PTPRT: variants seen among roughly 807,000 people sequenced by gnomAD.
PTPRT encodes the protein receptor-type tyrosine-protein phosphatase T.
PTPRT carries 56 observed loss-of-function variants against 176.8 expected under a neutral mutation model. The observed-to-expected ratio is 0.32, with a 90% CI of 0.26 to 0.40. The LOEUF is 0.40. Ranked by LOEUF, PTPRT falls within the 10% of genes least tolerant of loss-of-function variation. The pLI, the probability that PTPRT is intolerant of heterozygous loss-of-function variation, is 1.00. For missense variants in PTPRT, 1,540 were observed against 1,908.2 expected, an observed-to-expected ratio of 0.81 and a Z score of 3.60; for synonymous variants, 783 against 739.0, an observed-to-expected ratio of 1.06 and a Z score of -0.96.
At chr20:42,837,865 T>C (rs539668478) in intron 2 of PTPRT, among the ~76,000 whole-genome samples, 11 of 152,084 alleles carry the variant, frequency 7.2e-5, no homozygotes, top group African/African-American at 1.9e-4. Flanking sequence ...CGGGATAGGA[T>C]TGGGGACTGA....
Position 42,236,365 on chromosome 20 carries a change from T to G in PTPRT, c.2313-107A>C, listed in dbSNP as rs2056242669. ...TTAATGAAATCTTGATTCTTAGAAA[T>G]GCACATATTATTTCAGCATCCCTAA... On this transcript the variant is annotated intron_variant, in intron 14 of 30. Transcript: ENST00000373187. 1.1e-5 allele frequency: 11 copies of G among 974,898 alleles called. No homozygotes were observed. In the South Asian group the frequency reaches 1.6e-4, roughly 14 times the overall value. 60.4% of individuals were successfully genotyped at this position (974,898 alleles called of 1,614,324 possible).
intron 2 of PTPRT, among the ~76,000 whole-genome samples, chr20:42,856,402 G>A (rs144158030): frequency 1.3e-5 from 2 of 152,212 alleles, no homozygotes; most frequent in Non-Finnish European, 2.9e-5. Flanking sequence ...CCCACAGTAG[G>A]TTTCACACGC....
rs539917266 is a variant in PTPRT at position 42,807,022 on chromosome 20, A to G, written c.215-15556T>C. Reference sequence around the variant, plus strand: ...CTTCCAAGATGCAATGCGCTGCCACAATGTCTCTGATAATTTTTGCCCTGT... The same window carrying G: ...CTTCCAAGATGCAATGCGCTGCCACGATGTCTCTGATAATTTTTGCCCTGT... On this transcript the variant is annotated intron_variant, in intron 2 of 30. Transcript: ENST00000373187. Among the ~76,000 whole-genome samples, 6 of 152,254 alleles carry G rather than the reference A, an allele frequency of 3.9e-5. No individual in the cohort carries two copies. The South Asian group carries it at 1.2e-3, about 32-fold the overall frequency.
At chr20:42,447,899 G>T (rs2076081) in intron 9 of PTPRT, among the ~76,000 whole-genome samples, 1 of 151,992 alleles carries the variant, frequency 6.6e-6, no homozygotes, top group African/African-American at 2.4e-5. Context: ...CGAACTTTCA[G>T]TACTGTTTGC....
intron 8 of PTPRT, among the ~76,000 whole-genome samples, chr20:42,464,231 G>A (rs146322481): frequency 6.6e-6 from 1 of 152,214 alleles, no homozygotes; most frequent in East Asian, 1.9e-4. Flanking sequence ...TATGTGGAAT[G>A]GTCATTTATT....
chr20:42,489,500 T>C (rs568204980), intron 7 of PTPRT, among the ~76,000 whole-genome samples: 12 of 141,758 alleles, frequency 8.5e-5, no homozygotes, highest in African/African-American at 2.7e-4. Flanking sequence ...ACCTAGCCTA[T>C]CCTGACTTTT....
At chr20:42,528,650 C>A (rs2072321760) in intron 7 of PTPRT, among the ~76,000 whole-genome samples, 1 of 152,082 alleles carries the variant, frequency 6.6e-6, no homozygotes, top group Admixed American at 6.5e-5. Flanking sequence ...CTCAGGATAA[C>A]CAATGCTATA....
At chr20:42,525,568 G>A (rs966190489) in intron 7 of PTPRT, among the ~76,000 whole-genome samples, 4 of 151,992 alleles carry the variant, frequency 2.6e-5, no homozygotes, top group Non-Finnish European at 4.4e-5. Flanking sequence ...ACACACACTC[G>A]TCCTCTCCCA....
chr20:42,723,745 A>C (rs761961251), intron 6 of PTPRT, among the ~76,000 whole-genome samples: 12 of 152,216 alleles, frequency 7.9e-5, no homozygotes, highest in Non-Finnish European at 1.8e-4. Flanking sequence ...CATTCCTTGC[A>C]GAAGGTACCC....
chr20:43,077,757 C>T (rs2011317245), intron 1 of PTPRT, among the ~76,000 whole-genome samples: 1 of 152,298 alleles, frequency 6.6e-6, no homozygotes, highest in South Asian at 2.1e-4. Context: ...TTTGTGGAGT[C>T]CACTGCTCAT....
chr20:42,519,647 GTGTT>G (rs143523309), intron 7 of PTPRT, among the ~76,000 whole-genome samples: 3,190 of 152,096 alleles, frequency 0.021, 83 homozygotes, highest in African/African-American at 0.057. Flanking sequence ...ATATTGATGT[GTGTT>G]TGTGTGTATT....
chr20:42,883,877 CATACACCAATACA>C (rs2079060560), intron 2 of PTPRT, among the ~76,000 whole-genome samples: 2 of 145,904 alleles, frequency 1.4e-5, no homozygotes, highest in African/African-American at 2.6e-5. Context: ...TGCATACACA[CATACACCAATACA>C]CCCCCATACA....
chr20:42,161,622 C>T (rs768932390), intron 16 of PTPRT, 80 bp from the exon 17 acceptor site: 166 of 1,460,576 alleles, frequency 1.1e-4, no homozygotes, highest in Non-Finnish European at 1.4e-4. Flanking sequence ...CCAGCTTGGC[C>T]TGAGGAGGGC....
chr20:42,397,581 G>A (rs150875337), intron 9 of PTPRT, among the ~76,000 whole-genome samples: 19 of 152,234 alleles, frequency 1.2e-4, no homozygotes, highest in South Asian at 8.3e-4. Context: ...TTAAGTTAAC[G>A]GCTTTCAGTT....
chr20:42,906,834 G>T (rs1156660826), intron 1 of PTPRT, among the ~76,000 whole-genome samples: 1 of 151,870 alleles, frequency 6.6e-6, no homozygotes, highest in Non-Finnish European at 1.5e-5. Context: ...GCAAATGACA[G>T]ACTACCTCTG....
chr20:42,351,394 A>G (rs560957180), intron 10 of PTPRT, among the ~76,000 whole-genome samples: 18 of 152,338 alleles, frequency 1.2e-4, no homozygotes, highest in Admixed American at 5.2e-4. Context: ...GTATAATTAA[A>G]TTACGTCCAT....
At chr20:42,933,417 C>G (rs1318768803) in intron 1 of PTPRT, among the ~76,000 whole-genome samples, 1 of 152,122 alleles carries the variant, frequency 6.6e-6, no homozygotes, top group East Asian at 1.9e-4. Context: ...TGTGGGCCAC[C>G]TCACTCTTCC....
chr20:42,453,148 C>A (rs1245890282), intron 8 of PTPRT, among the ~76,000 whole-genome samples: 2 of 152,058 alleles, frequency 1.3e-5, no homozygotes, highest in African/African-American at 4.8e-5. Context: ...GTATCACTAC[C>A]CATGTATTCT....
At chr20:43,051,596 A>G (rs989707626) in intron 1 of PTPRT, among the ~76,000 whole-genome samples, 4 of 135,154 alleles carry the variant, frequency 3.0e-5, no homozygotes, top group African/African-American at 1.2e-4. Flanking sequence ...TTGGTCACTT[A>G]TGGTCCTTCC....
Sources: allele counts gnomAD v4.1 joint callset (sites outside exome capture counted in the v4.1 genomes callset), GRCh38; gene constraint gnomAD v4.1.1; transcripts MANE v1.5; gene names NCBI Gene and HGNC (gene_info 2026-07-23, HGNC 2026-07-21).